The following ZNF33A variants were observed in gnomAD, a reference collection of about 807,000 sequenced individuals.
The protein encoded by ZNF33A is zinc finger protein 33A, also known as brain my041 protein.
In ZNF33A, 9 loss-of-function variants were observed where a neutral mutation model predicts 15.9. The observed-to-expected ratio is 0.57, with a 90% CI of 0.34 to 0.99. ZNF33A has a LOEUF of 0.99. ZNF33A is among the 50% of genes least tolerant of loss of function. The pLI, the probability that ZNF33A is intolerant of heterozygous loss-of-function variation, is 0.02. For synonymous variants in ZNF33A, 294 were observed against 324.2 expected (o/e 0.91, Z 1.00); for missense variants, 843 against 941.6 (o/e 0.90, Z 1.37).
At chr10:38,010,901 G>A in intron 1 of ZNF33A, 118 bp downstream of exon 1, 2 of 1,241,534 alleles carry the variant, frequency 1.6e-6, no homozygotes, top group South Asian at 1.3e-5. Context: ...ATAGGGGAAG[G>A]CGGGGACGGC....
At chr10:38,033,065 C>T (rs1453327019) in intron 4 of ZNF33A, among the ~76,000 whole-genome samples, 1 of 151,962 alleles carries the variant, frequency 6.6e-6, no homozygotes, top group African/African-American at 2.4e-5. Flanking sequence ...TTTCTTAGAA[C>T]GTTGTCATCA....
intron 3 of ZNF33A, 126 bp downstream of exon 3, chr10:38,017,141 C>A: frequency 2.8e-6 from 4 of 1,417,458 alleles, no homozygotes; most frequent in Admixed American, 4.5e-5. Context: ...GTTGATTGAT[C>A]ACCTCTGAGT....
intron 4 of ZNF33A, among the ~76,000 whole-genome samples, chr10:38,040,484 T>G (rs531935918): frequency 6.6e-5 from 10 of 152,322 alleles, no homozygotes; most frequent in African/African-American, 2.4e-5. Flanking sequence ...GCTCTGTTAG[T>G]AGTACATAGG....
chr10:38,023,750 A>G (rs888580594), intron 4 of ZNF33A, among the ~76,000 whole-genome samples: 5 of 152,222 alleles, frequency 3.3e-5, no homozygotes, highest in East Asian at 1.9e-4. Flanking sequence ...TGTAACTTCT[A>G]TCAAGCACAA....
chr10:38,015,705 T>C (rs2064421160), intron 2 of ZNF33A, among the ~76,000 whole-genome samples: 1 of 152,200 alleles, frequency 6.6e-6, no homozygotes, highest in Non-Finnish European at 1.5e-5. Context: ...CTGGTTTACA[T>C]TGTGGCCCTA....
rs564702092 is a variant in ZNF33A at position 38,012,038 on chromosome 10, T to G, written c.-44-260T>G. On this transcript the variant is annotated intron_variant, in intron 1 of 4. Transcript: ENST00000432900. ...ATTGAAATCCTTAGGAAGCAAATAT[T>G]TACTTTCACCCGGTAAAAAATCTTG... 2.6e-5 allele frequency among the ~76,000 whole-genome samples: 4 copies of G among 152,304 alleles called. No homozygotes were observed. The South Asian group carries it at 6.2e-4, about 24-fold the overall frequency.
At chr10:38,030,154 G>A (rs1335861206) in intron 4 of ZNF33A, among the ~76,000 whole-genome samples, 1 of 152,122 alleles carries the variant, frequency 6.6e-6, no homozygotes, top group Non-Finnish European at 1.5e-5. Context: ...TGTTTTTGAT[G>A]GCATGTAAAA....
chr10:38,044,526 C>T (rs1380571562), intron 4 of ZNF33A, among the ~76,000 whole-genome samples: 1 of 151,712 alleles, frequency 6.6e-6, no homozygotes, highest in Non-Finnish European at 1.5e-5. Flanking sequence ...TTTGTTGAGT[C>T]ATTCTAGTGA....
intron 4 of ZNF33A, among the ~76,000 whole-genome samples, chr10:38,024,194 A>G (rs2064883783): frequency 6.7e-6 from 1 of 149,128 alleles, no homozygotes; most frequent in Non-Finnish European, 1.5e-5. Flanking sequence ...AAAAATGTAA[A>G]CCTCCCAGAA....
chr10:38,036,802 G>A lies in ZNF33A; in HGVS notation c.251-17573G>A, dbSNP rs79741109. On this transcript the variant is annotated intron_variant, in intron 4 of 4. Coordinates refer to ENST00000432900, the MANE Select transcript of ZNF33A (RefSeq NM_006954.2). ...GAAAGGAAGAAATAAAACTTTCTTC[G>A]TACAGGCATGATTGCCTAAGGAGAA... Among the ~76,000 whole-genome samples, 1,376 of 152,254 alleles carry A rather than the reference G, an allele frequency of 9.0e-3. 9 individuals carry two copies. The highest frequency in any genetic ancestry group is 0.02 in the Middle Eastern group (6 of 294).
intron 4 of ZNF33A, among the ~76,000 whole-genome samples, chr10:38,033,750 T>C (rs916411179): frequency 6.6e-6 from 1 of 151,776 alleles, no homozygotes; most frequent in Non-Finnish European, 1.5e-5. Context: ...TCTCGCTCTG[T>C]TTGCCCAGGC....
downstream of ZNF33A, among the ~76,000 whole-genome samples, chr10:38,061,028 C>T (rs2135793231): frequency 6.6e-6 from 1 of 152,290 alleles, no homozygotes; most frequent in South Asian, 2.1e-4. Flanking sequence ...ACTTGACAGT[C>T]ACTGTACAGT....
chr10:38,028,439 C>G (rs1424190964), intron 4 of ZNF33A, among the ~76,000 whole-genome samples: 4 of 151,192 alleles, frequency 2.6e-5, no homozygotes, highest in Non-Finnish European at 5.9e-5. Flanking sequence ...TCTCATATTC[C>G]TTTTATTACT....
At chr10:38,022,347 A>C (rs993172557) in intron 4 of ZNF33A, among the ~76,000 whole-genome samples, 1 of 152,166 alleles carries the variant, frequency 6.6e-6, no homozygotes, top group Non-Finnish European at 1.5e-5. Flanking sequence ...CTTGTCAACA[A>C]CTTTATGTTT....
intron 2 of ZNF33A, chr10:38,016,137 T>A (rs191173045): frequency 4.8e-6 from 3 of 623,282 alleles, no homozygotes; most frequent in African/African-American, 3.8e-5. Flanking sequence ...GAATATGTAT[T>A]GCGATGAAGA....
At position 38,056,485 on chromosome 10, in the gene ZNF33A, A is replaced by G. The variant is rs1230566514; in HGVS notation, c.2361A>G (p.Pro787=). 3.1e-6 allele frequency: 5 copies of G among 1,613,130 alleles called. No homozygotes were observed. The highest frequency in any genetic ancestry group is 3.4e-6 in the Non-Finnish European group (4 of 1,179,466). Residue 787 remains proline, a synonymous_variant, in exon 5 of 5, where the codon CCA becomes CCG. Transcript: ENST00000432900. The stretch of plus-strand genomic sequence containing the variant: ...AAATGGATATTAGAAATTTCCAGCC[A>G]CAAGTCAGCCTCCATAATGCCTCAG... ...MNEMDIRNFQ[P]QVSLHNASEY...
intron 4 of ZNF33A, among the ~76,000 whole-genome samples, chr10:38,020,418 T>C (rs1789176320): frequency 1.3e-5 from 2 of 152,168 alleles, no homozygotes; most frequent in African/African-American, 2.4e-5. Flanking sequence ...AGTGACCCTG[T>C]TGTGCTAGCA....
chr10:38,052,062 C>T (rs1453888363), intron 4 of ZNF33A, among the ~76,000 whole-genome samples: 1 of 151,994 alleles, frequency 6.6e-6, no homozygotes, highest in Non-Finnish European at 1.5e-5. Context: ...TTTCCAATAT[C>T]AGGAACATGA....
intron 4 of ZNF33A, among the ~76,000 whole-genome samples, chr10:38,032,563 C>T (rs1360249158): frequency 6.6e-6 from 1 of 152,008 alleles, no homozygotes; most frequent in Non-Finnish European, 1.5e-5. Context: ...CCTGCCTCAG[C>T]CTCCTGAGTA....
Sources: allele counts gnomAD v4.1 joint callset (sites outside exome capture counted in the v4.1 genomes callset), GRCh38; gene constraint gnomAD v4.1.1; transcripts MANE v1.5; gene names NCBI Gene and HGNC (gene_info 2026-07-23, HGNC 2026-07-21).